The following ZIM2 variants were observed in gnomAD, a reference collection of about 807,000 sequenced individuals.
The protein encoded by ZIM2 is zinc finger protein 656.
ZIM2 carries 14 observed loss-of-function variants against 38.6 expected under a neutral mutation model. The ratio of observed to expected loss-of-function variants is 0.36; its 90% CI spans 0.24 to 0.57. The LOEUF (loss-of-function observed/expected upper bound fraction) is 0.57. Ranked by LOEUF, ZIM2 falls within the 20% of genes least tolerant of loss-of-function variation. The pLI, the probability that ZIM2 is intolerant of heterozygous loss-of-function variation, is 0.81. For missense variants in ZIM2, 680 were observed against 695.1 expected (o/e 0.98, Z 0.24); for synonymous variants, 247 against 245.8 (o/e 1.00, Z -0.04).
chr19:56,797,622 TTTC>T (rs978297840), intron 9 of ZIM2, among the ~76,000 whole-genome samples: 1 of 152,152 alleles, frequency 6.6e-6, no homozygotes, highest in African/African-American at 2.4e-5. Flanking sequence ...AAAGTACCTC[TTTC>T]TTCTTCTCCT....
intron 12 of ZIM2, among the ~76,000 whole-genome samples, chr19:56,779,062 G>A (rs2046178368): frequency 6.6e-6 from 1 of 152,080 alleles, no homozygotes; most frequent in Non-Finnish European, 1.5e-5. Context: ...AAAGACAAGT[G>A]GTATCAGGCC....
intron 9 of ZIM2, chr19:56,816,660 A>G: frequency 6.2e-7 from 1 of 1,613,888 alleles, no homozygotes; most frequent in Non-Finnish European, 8.5e-7. Flanking sequence ...GTTCATGTTC[A>G]CGCTCATTAT....
Position 56,836,028 on chromosome 19 carries a change from C to T in ZIM2, c.-237G>A, listed in dbSNP as rs907988966. On this transcript the variant is annotated 5_prime_UTR_variant, in exon 2 of 13. Coordinates refer to ENST00000629319, the MANE Select transcript of ZIM2 (RefSeq NM_001387356.1). ...GGAAATTCAACTCACCTGGACCCAG[C>T]CACCTAGCGTTTGGACCTAGTCCCT... is the stretch of plus-strand genomic sequence containing the variant. 2.0e-6 allele frequency: 1 copy of T among 511,924 alleles called. No individual in the cohort carries two copies. The highest frequency in any genetic ancestry group is 3.2e-4 in the Middle Eastern group (1 of 3,138). The allele number at this position is 511,924 out of a possible 1,614,324, so 31.7% of individuals were successfully genotyped here.
chr19:56,833,377 TG>T (rs2061762962), intron 2 of ZIM2: 1 of 352,772 alleles, frequency 2.8e-6, no homozygotes, highest in South Asian at 2.1e-5. Context: ...GCGTGGTGTG[TG>T]GTCTCGTCTC....
At chr19:56,787,495 C>T (rs894394434) in intron 10 of ZIM2, among the ~76,000 whole-genome samples, 1 of 152,048 alleles carries the variant, frequency 6.6e-6, no homozygotes, top group Non-Finnish European at 1.5e-5. Flanking sequence ...AGGCTGGTCT[C>T]GAACTCCTGA....
chr19:56,808,794 C>CA (rs2047902207), intron 9 of ZIM2, among the ~76,000 whole-genome samples: 2 of 152,174 alleles, frequency 1.3e-5, no homozygotes, highest in South Asian at 4.1e-4. Flanking sequence ...CCAGACTCCA[C>CA]AAGGCACTGG....
At chr19:56,782,350 TATAA>T (rs2046370410) in intron 10 of ZIM2, 1 of 538,962 alleles carries the variant, frequency 1.9e-6, no homozygotes, top group Non-Finnish European at 3.3e-6. Context: ...TAAGCCACTT[TATAA>T]AGACAGAATG....
chr19:56,803,739 C>G (rs8107113), intron 9 of ZIM2, among the ~76,000 whole-genome samples: 50,141 of 152,008 alleles, frequency 0.33, 8,565 homozygotes, highest in Non-Finnish European at 0.36. Context: ...AATAATAAAG[C>G]CAACCTAGGG....
intron 9 of ZIM2, among the ~76,000 whole-genome samples, chr19:56,806,837 G>A (rs2047782141): frequency 6.6e-6 from 1 of 152,162 alleles, no homozygotes; most frequent in South Asian, 2.1e-4. Context: ...ATGTGAGGAT[G>A]CAGCAAGAAG....
chr19:56,823,411 T>C (rs1182404549), intron 5 of ZIM2, among the ~76,000 whole-genome samples, 179 bp downstream of exon 5: 2 of 152,206 alleles, frequency 1.3e-5, no homozygotes, highest in Non-Finnish European at 2.9e-5. Context: ...GGTGTCTGTT[T>C]AGATATAAAA....
At chr19:56,790,491 G>T (rs114675543) in intron 9 of ZIM2, among the ~76,000 whole-genome samples, 2,508 of 152,262 alleles carry the variant, frequency 0.016, 81 homozygotes, top group African/African-American at 0.057. Flanking sequence ...CCTTTGTCCA[G>T]TGTATCCACT....
chr19:56,788,359 A>C (rs1253384045), intron 10 of ZIM2, among the ~76,000 whole-genome samples: 1 of 152,082 alleles, frequency 6.6e-6, no homozygotes, highest in Non-Finnish European at 1.5e-5. Context: ...TAATTTCGTT[A>C]TTTACTGAGT....
intron 2 of ZIM2, among the ~76,000 whole-genome samples, chr19:56,830,854 G>A (rs1241106070): frequency 6.6e-6 from 1 of 152,246 alleles, no homozygotes; most frequent in Middle Eastern, 3.4e-3. Context: ...GGGGCCCTGG[G>A]AGGTGGAGGG....
chr19:56,823,821 T>G, intron 4 of ZIM2, 142 bp from the exon 5 acceptor site: 1 of 989,150 alleles, frequency 1.0e-6, no homozygotes, highest in Non-Finnish European at 1.5e-6. Context: ...TTCAAAACCC[T>G]TCAGCGGCTT....
chr19:56,804,525 T>C (rs2047668856), intron 9 of ZIM2, among the ~76,000 whole-genome samples: 1 of 152,232 alleles, frequency 6.6e-6, no homozygotes, highest in Non-Finnish European at 1.5e-5. Context: ...TCCTACCTAA[T>C]GGTTATTTCC....
chr19:56,817,216 C>T, intron 9 of ZIM2: 1 of 1,614,184 alleles, frequency 6.2e-7, no homozygotes, highest in Non-Finnish European at 8.5e-7. Context: ...CCTGGGACAG[C>T]CTTTTTGATC....
Position 56,814,418 on chromosome 19 carries a change from T to C in ZIM2, c.490+3328A>G, listed in dbSNP as rs1336037477. 6.3e-5 allele frequency: 101 copies of C among 1,613,854 alleles called. No homozygotes were observed. The highest frequency in any genetic ancestry group is 8.3e-5 in the Non-Finnish European group (98 of 1,179,826). On this transcript the variant is annotated intron_variant, in intron 9 of 12. Transcript: ENST00000629319. The surrounding 1 kb of genome is among the most constrained non-coding windows in gnomAD (Gnocchi z 5.8). ...TGTTTAGTGAGGACTGTGCTATGAA[T>C]AAAGGACTTACCACAATCCTTGCAT... is the stretch of plus-strand genomic sequence containing the variant.
At chr19:56,777,787 C>T (rs944042161) in intron 12 of ZIM2, among the ~76,000 whole-genome samples, 2 of 152,144 alleles carry the variant, frequency 1.3e-5, no homozygotes, top group Non-Finnish European at 2.9e-5. Context: ...ACTTCATGCC[C>T]CTGCTCAAAA....
intron 5 of ZIM2, 75 bp downstream of exon 5, chr19:56,823,515 C>G: frequency 6.3e-7 from 1 of 1,584,080 alleles, no homozygotes; most frequent in Non-Finnish European, 8.7e-7. Context: ...CATGGAGGCC[C>G]CAACCCACTG....
Sources: gnomAD v4.1 joint callset for allele counts (sites outside exome capture counted in the v4.1 genomes callset) on GRCh38, gnomAD v4.1.1 for gene constraint, Gnocchi (gnomAD v3.1) non-coding constraint, MANE v1.5 for transcripts, NCBI Gene and HGNC (gene_info 2026-07-23, HGNC 2026-07-21) for gene names.